Variants in PACS1 observed in about 807,000 individuals in gnomAD.
PACS1 encodes PACS-1.
In PACS1, 24 loss-of-function variants were observed where a neutral mutation model predicts 115.0. That is an observed-to-expected ratio of 0.21 (90% CI 0.15 to 0.29). The LOEUF (loss-of-function observed/expected upper bound fraction) is 0.29, where lower values mean the gene tolerates loss of function less well. PACS1 is among the 10% of genes least tolerant of loss of function. The pLI is 1.00. For synonymous variants in PACS1, 453 were observed against 504.5 expected (o/e 0.90, Z 1.37); for missense variants, 838 against 1,251.2 (o/e 0.67, Z 4.98).
At chr11:66,117,583 A>G (rs1490129912) in intron 1 of PACS1, among the ~76,000 whole-genome samples, 2 of 152,176 alleles carry the variant, frequency 1.3e-5, no homozygotes, top group East Asian at 3.9e-4. Flanking sequence ...GTGGTGGCCC[A>G]TGCCTGTAAT....
intron 10 of PACS1, among the ~76,000 whole-genome samples, chr11:66,221,867 G>T (rs1376417584): frequency 6.6e-6 from 1 of 152,116 alleles, no homozygotes; most frequent in Non-Finnish European, 1.5e-5. Context: ...TATAATCCCA[G>T]CTCTTTGGGA....
intron 13 of PACS1, chr11:66,231,798 TTC>T (rs1365278658): frequency 4.3e-6 from 1 of 232,492 alleles, no homozygotes; most frequent in Non-Finnish European, 8.6e-6. Flanking sequence ...TCGTTTCTGT[TTC>T]TCTGAGCACC....
At chr11:66,091,656 A>G (rs1189993132) in intron 1 of PACS1, among the ~76,000 whole-genome samples, 2 of 151,614 alleles carry the variant, frequency 1.3e-5, no homozygotes, top group East Asian at 3.9e-4. Flanking sequence ...TATCTCCTAA[A>G]GCTATCCCTC....
chr11:66,237,955 C>T (rs1461696394), intron 19 of PACS1: 5 of 567,250 alleles, frequency 8.8e-6, no homozygotes, highest in Non-Finnish European at 1.1e-5. Flanking sequence ...GTAGATTTCG[C>T]CCCATCAGGG....
At chr11:66,196,218 C>T (rs566517206) in intron 2 of PACS1, among the ~76,000 whole-genome samples, 82 of 152,250 alleles carry the variant, frequency 5.4e-4, no homozygotes, top group African/African-American at 1.6e-3. Context: ...AGCAAGACTC[C>T]GACCCAAACA....
chr11:66,138,815 T>C (rs1858908880), intron 1 of PACS1, among the ~76,000 whole-genome samples: 1 of 152,010 alleles, frequency 6.6e-6, no homozygotes, highest in South Asian at 2.1e-4. Flanking sequence ...CCCGAGTAGC[T>C]GGGACTACAG....
In PACS1 at chr11:66,126,146, G is replaced by C. The variant is rs368019814; in HGVS notation, c.356+55304G>C. Among the ~76,000 whole-genome samples, 13 of 152,022 alleles carry C rather than the reference G, an allele frequency of 8.6e-5. 1 individual carries two copies. The East Asian group carries it at 2.3e-3, about 27-fold the overall frequency. ...TGTTCGACATTACTAGTGGGATTTT[G>C]CTTCTCATGCTCTATTTTCTGATTT... On this transcript the variant is annotated intron_variant, in intron 1 of 23. Transcript: ENST00000320580.
At chr11:66,083,215 A>G (rs1206047963) in intron 1 of PACS1, among the ~76,000 whole-genome samples, 1 of 152,244 alleles carries the variant, frequency 6.6e-6, no homozygotes, top group Admixed American at 6.5e-5. Flanking sequence ...CTGGGAACAT[A>G]AAAACTCCTG....
intron 1 of PACS1, among the ~76,000 whole-genome samples, chr11:66,190,789 C>A (rs1394382983): frequency 6.6e-6 from 1 of 152,180 alleles, no homozygotes; most frequent in African/African-American, 2.4e-5. Flanking sequence ...ACAGGCGGTA[C>A]TGTGGGCAGT....
chr11:66,098,779 G>A (rs1034881802), intron 1 of PACS1, among the ~76,000 whole-genome samples: 9 of 152,126 alleles, frequency 5.9e-5, no homozygotes, highest in Non-Finnish European at 1.3e-4. Context: ...GTCCACAACC[G>A]TTAGATATCC....
intron 1 of PACS1, among the ~76,000 whole-genome samples, chr11:66,116,848 C>G (rs1455686265): frequency 6.7e-6 from 1 of 150,126 alleles, no homozygotes; most frequent in Non-Finnish European, 1.5e-5. Flanking sequence ...TAAGATCGTG[C>G]AACTGCACTC....
At chr11:66,101,206 C>T (rs911252945) in intron 1 of PACS1, among the ~76,000 whole-genome samples, 2 of 152,082 alleles carry the variant, frequency 1.3e-5, no homozygotes, top group Non-Finnish European at 2.9e-5. Flanking sequence ...AAGTTTTAAA[C>T]ACTTACATCT....
intron 1 of PACS1, among the ~76,000 whole-genome samples, chr11:66,162,746 G>A (rs1462642406): frequency 1.3e-5 from 2 of 152,196 alleles, no homozygotes; most frequent in East Asian, 3.8e-4. Flanking sequence ...AGTTGTCAAT[G>A]GGAAAATTAT....
intron 1 of PACS1, among the ~76,000 whole-genome samples, chr11:66,183,830 G>C (rs75048144): frequency 0.027 from 4,063 of 152,282 alleles, 171 homozygotes; most frequent in African/African-American, 0.092. Flanking sequence ...TGCAAATTAA[G>C]AGGCAGATTA....
chr11:66,177,241 C>T (rs1330482000), intron 1 of PACS1, among the ~76,000 whole-genome samples: 9 of 152,148 alleles, frequency 5.9e-5, no homozygotes, highest in Non-Finnish European at 1.0e-4. Flanking sequence ...TACTAAACAG[C>T]AGCCTCCTCT....
At chr11:66,232,322 C>A (rs754776359) in intron 14 of PACS1, 46 bp downstream of exon 14, 1 of 1,115,290 alleles carries the variant, frequency 9.0e-7, no homozygotes, top group Non-Finnish European at 1.4e-6. Context: ...GGAGGGCAGG[C>A]AATGCCCGGT....
At chr11:66,179,618 G>A (rs192727227) in intron 1 of PACS1, among the ~76,000 whole-genome samples, 5 of 152,270 alleles carry the variant, frequency 3.3e-5, no homozygotes, top group Admixed American at 3.3e-4. Flanking sequence ...GACTTAAAAG[G>A]TTTCTGTTAT....
intron 4 of PACS1, among the ~76,000 whole-genome samples, chr11:66,213,316 C>T (rs1855121520): frequency 6.6e-6 from 1 of 152,226 alleles, no homozygotes; most frequent in Admixed American, 6.5e-5. Context: ...ATGGGAGCCC[C>T]TTCATGCCAG....
chr11:66,238,703 T>C (rs1590842652), intron 19 of PACS1, 101 bp from the exon 20 acceptor site: 1 of 1,068,638 alleles, frequency 9.4e-7, no homozygotes, highest in East Asian at 2.6e-5. Flanking sequence ...AATAAAATAA[T>C]GTGTAGTGAT....
Sources: gnomAD v4.1 joint callset for allele counts (sites outside exome capture counted in the v4.1 genomes callset) on GRCh38, gnomAD v4.1.1 for gene constraint, MANE v1.5 for transcripts, NCBI Gene and HGNC (gene_info 2026-07-23, HGNC 2026-07-21) for gene names.